Variants in GRM3 observed in about 807,000 individuals in gnomAD.
GRM3 encodes glutamate metabotropic receptor 3.
In GRM3, 26 loss-of-function variants were observed where a neutral mutation model predicts 70.5. The observed-to-expected ratio is 0.37, with a 90% CI of 0.27 to 0.51. GRM3 has a LOEUF of 0.51. GRM3 is among the 20% of genes least tolerant of loss of function. The pLI, the probability that GRM3 is intolerant of heterozygous loss-of-function variation, is 0.93. For missense variants in GRM3, 859 were observed against 1,123.8 expected, an observed-to-expected ratio of 0.76 and a Z score of 3.37; for synonymous variants, 443 against 434.9, an observed-to-expected ratio of 1.02 and a Z score of -0.23.
At chr7:86,703,276 T>C (rs566991468) in intron 1 of GRM3, among the ~76,000 whole-genome samples, 18 of 152,090 alleles carry the variant, frequency 1.2e-4, no homozygotes, top group African/African-American at 4.1e-4. Flanking sequence ...TTTCACAATA[T>C]CCCACTCACT....
At chr7:86,716,738 C>T (rs1795326551) in intron 1 of GRM3, among the ~76,000 whole-genome samples, 1 of 151,336 alleles carries the variant, frequency 6.6e-6, no homozygotes, top group Non-Finnish European at 1.5e-5. Context: ...AATTATAAGC[C>T]CAATTTGAGG....
intron 2 of GRM3, among the ~76,000 whole-genome samples, chr7:86,771,845 G>A (rs1451646773): frequency 3.3e-5 from 5 of 152,002 alleles, no homozygotes; most frequent in East Asian, 1.9e-4. Context: ...GCCTGCCTTC[G>A]AAGCCTTCCT....
At chr7:86,731,880 C>A (rs1241259865) in intron 1 of GRM3, among the ~76,000 whole-genome samples, 1 of 152,016 alleles carries the variant, frequency 6.6e-6, no homozygotes, top group Non-Finnish European at 1.5e-5. Context: ...CTTAAATGAC[C>A]AAGGCTAGTG....
Position 86,807,159 on chromosome 7 carries a change from C to T in GRM3, c.1324+20043C>T, listed in dbSNP as rs13237308. On this transcript the variant is annotated intron_variant, in intron 3 of 5. Coordinates refer to ENST00000361669, the MANE Select transcript of GRM3 (RefSeq NM_000840.3). ...TTTTGGTTACTGTAGCCTTGTAGTACAGTTTGAAGTCAGGTAGCATGATGC... is the reference window on the plus strand; with the variant it reads ...TTTTGGTTACTGTAGCCTTGTAGTATAGTTTGAAGTCAGGTAGCATGATGC... 4.5e-5 allele frequency among the ~76,000 whole-genome samples: 3 copies of T among 66,538 alleles called. 1 individual carries two copies. The East Asian group carries it at 6.8e-4, about 15-fold the overall frequency. 43.7% of individuals were successfully genotyped at this position (66,538 alleles called of 152,430 possible).
At chr7:86,647,163 T>G (rs1030978804) in intron 1 of GRM3, among the ~76,000 whole-genome samples, 1 of 152,346 alleles carries the variant, frequency 6.6e-6, no homozygotes, top group Admixed American at 6.5e-5. Context: ...TTGAAGATGT[T>G]CTTATTTTGA....
intron 3 of GRM3, among the ~76,000 whole-genome samples, chr7:86,816,390 C>G (rs1007469610): frequency 6.6e-6 from 1 of 151,776 alleles, no homozygotes; most frequent in Non-Finnish European, 1.5e-5. Context: ...TATTTCATCA[C>G]CCAGGTAATA....
At chr7:86,804,835 G>C (rs1171488143) in intron 3 of GRM3, among the ~76,000 whole-genome samples, 1 of 152,192 alleles carries the variant, frequency 6.6e-6, no homozygotes, top group Non-Finnish European at 1.5e-5. Context: ...TGGTAGGTAT[G>C]AGTGTGGTGG....
chr7:86,778,458 T>A (rs1012448141), intron 2 of GRM3, among the ~76,000 whole-genome samples: 1 of 152,060 alleles, frequency 6.6e-6, no homozygotes, highest in East Asian at 1.9e-4. Flanking sequence ...GAAAAAAAAA[T>A]ATTTGGCATT....
intron 1 of GRM3, among the ~76,000 whole-genome samples, chr7:86,711,458 A>G (rs1466089159): frequency 1.3e-5 from 2 of 152,110 alleles, no homozygotes; most frequent in African/African-American, 4.8e-5. Flanking sequence ...ACCATTTTAT[A>G]TACTTTTCCA....
chr7:86,732,704 A>G (rs951820071), intron 1 of GRM3, among the ~76,000 whole-genome samples: 2 of 152,200 alleles, frequency 1.3e-5, no homozygotes, highest in African/African-American at 4.8e-5. Context: ...TAAGTTTCCA[A>G]TGGTCATAGG....
chr7:86,843,724 C>A (rs1358108137), intron 4 of GRM3, among the ~76,000 whole-genome samples: 1 of 152,092 alleles, frequency 6.6e-6, no homozygotes. Context: ...CTGTTATCAA[C>A]ATAGGCAAGT....
At chr7:86,829,221 A>G (rs1416219917) in intron 3 of GRM3, among the ~76,000 whole-genome samples, 2 of 152,192 alleles carry the variant, frequency 1.3e-5, no homozygotes, top group African/African-American at 4.8e-5. Context: ...TCAGACTTCA[A>G]ATAATTGAAG....
chr7:86,740,543 T>C (rs754583372), intron 1 of GRM3, among the ~76,000 whole-genome samples: 2 of 152,184 alleles, frequency 1.3e-5, no homozygotes, highest in Non-Finnish European at 2.9e-5. Context: ...GATTAACTTA[T>C]TTGCCAATTC....
intron 1 of GRM3, among the ~76,000 whole-genome samples, chr7:86,725,599 CATT>C (rs1260163791): frequency 6.6e-6 from 1 of 152,110 alleles, no homozygotes; most frequent in African/African-American, 2.4e-5. Flanking sequence ...AGCAAAGTCT[CATT>C]GTAGAAGAGC....
intron 1 of GRM3, among the ~76,000 whole-genome samples, chr7:86,694,511 C>CA (rs1226119828): frequency 0.14 from 5,065 of 37,318 alleles, 225 homozygotes; most frequent in Middle Eastern, 0.18. Flanking sequence ...GACTCTGTCT[C>CA]AAAAAAAAAA....
At chr7:86,751,826 C>T (rs1796239311) in intron 1 of GRM3, among the ~76,000 whole-genome samples, 1 of 152,084 alleles carries the variant, frequency 6.6e-6, no homozygotes, top group East Asian at 1.9e-4. Flanking sequence ...TCTCATCTTC[C>T]TCTAGGACTT....
intron 3 of GRM3, among the ~76,000 whole-genome samples, chr7:86,823,575 G>C (rs1798168832): frequency 7.8e-6 from 1 of 128,548 alleles, no homozygotes; most frequent in Non-Finnish European, 1.6e-5. Context: ...GGTTAGCTGT[G>C]TGAGGTATTT....
At chr7:86,769,243 T>G (rs896330500) in intron 2 of GRM3, among the ~76,000 whole-genome samples, 6 of 152,204 alleles carry the variant, frequency 3.9e-5, no homozygotes, top group Non-Finnish European at 8.8e-5. Flanking sequence ...TTCCTGCATA[T>G]GTACTGGAAA....
At chr7:86,770,380 A>T (rs925570764) in intron 2 of GRM3, among the ~76,000 whole-genome samples, 6 of 152,092 alleles carry the variant, frequency 3.9e-5, no homozygotes, top group Non-Finnish European at 7.4e-5. Flanking sequence ...ATTTTCCAGA[A>T]TTTCTAGCAC....
Sources: gnomAD v4.1 joint callset for allele counts (sites outside exome capture counted in the v4.1 genomes callset) on GRCh38, gnomAD v4.1.1 for gene constraint, MANE v1.5 for transcripts, NCBI Gene and HGNC (gene_info 2026-07-23, HGNC 2026-07-21) for gene names.